The following LAT variants were observed in gnomAD, a reference collection of about 807,000 sequenced individuals.
LAT encodes the protein linker for activation of T-cells family member 1.
In LAT, 12 loss-of-function variants were observed where a neutral mutation model predicts 39.1. The observed-to-expected ratio is 0.31, with a 90% confidence interval of 0.20 to 0.50. The LOEUF (loss-of-function observed/expected upper bound fraction) is 0.50, where lower values mean the gene tolerates loss of function less well. LAT is among the 20% of genes least tolerant of loss of function. The pLI, the probability that LAT is intolerant of heterozygous loss-of-function variation, is 0.98. For synonymous variants in LAT, 117 were observed against 123.8 expected (o/e 0.95, Z 0.36); for missense variants, 253 against 308.0 (o/e 0.82, Z 1.34).
Position 28,990,019 on chromosome 16 carries a change from G to A in LAT, c.*7G>A, listed in dbSNP as rs781772315. The A allele has an allele frequency of 6.2e-7, 1 of 1,610,878 alleles. No individual in the cohort carries two copies. On this transcript the variant is annotated splice_region_variant and 3_prime_UTR_variant, in exon 11 of 12. Transcript: ENST00000395456. ...TCTGCAGGAGCTGAACTGAGGGCCTGGTGAGAGGCCTGCCCTGTCCCCACC... is the reference window on the plus strand; with the variant it reads ...TCTGCAGGAGCTGAACTGAGGGCCTAGTGAGAGGCCTGCCCTGTCCCCACC...
At position 28,985,944 on chromosome 16, in the gene LAT, G is replaced by C; in HGVS notation, c.163+56G>C. 6.3e-7 allele frequency: 1 copy of C among 1,585,468 alleles called. No individual in the cohort carries two copies. The highest frequency in any genetic ancestry group is 8.7e-7 in the Non-Finnish European group (1 of 1,153,946). The stretch of plus-strand genomic sequence containing the variant: ...TGCCAGGGAGAGGGTCCCCTGGTGT[G>C]GGAGTGAGCGTGAACCTTCAGACTT... On this transcript the variant is annotated intron_variant, in intron 3 of 11. Coordinates refer to ENST00000395456, the MANE Select transcript of LAT (RefSeq NM_001014987.2). The surrounding 1 kb of genome is among the most constrained non-coding windows in gnomAD (Gnocchi z 4.6).
intron 8 of LAT, 109 bp downstream of exon 8, chr16:28,987,002 T>C: frequency 1.1e-6 from 1 of 897,858 alleles, no homozygotes; most frequent in Non-Finnish European, 1.7e-6. Context: ...CCAGTGATCC[T>C]CCCAAGTAGG....
In LAT at chr16:28,985,687, T is replaced by C. The variant is rs775119978; in HGVS notation, c.101-26T>C. The stretch of plus-strand genomic sequence containing the variant: ...TTCTGCCCTAAGCACCCCCTGTTCC[T>C]GCCTCACCAGCCCTCTCTTTCCCAG... On this transcript the variant is annotated intron_variant, in intron 1 of 11. Transcript: ENST00000395456. The surrounding 1 kb of genome is among the most constrained non-coding windows in gnomAD (Gnocchi z 4.6). 1.2e-6 allele frequency: 2 copies of C among 1,613,656 alleles called. No individual in the cohort carries two copies. The highest frequency in any genetic ancestry group is 1.7e-4 in the Middle Eastern group (1 of 5,782).
At position 28,985,436 on chromosome 16, in the gene LAT, G is replaced by T. The variant is rs181949767; in HGVS notation, c.19G>T (p.Val7Phe). Residue 7 changes from valine to phenylalanine, a missense_variant, in exon 1 of 12, where the codon GTC (valine) becomes TTC (phenylalanine). Val to Phe is a conservative substitution (Grantham distance 50, BLOSUM62 -1). Transcript: ENST00000395456. The surrounding 1 kb of genome is among the most constrained non-coding windows in gnomAD (Gnocchi z 4.6). Reference protein sequence around the residue: MEEAILVPCVLGLLLLP... With the variant: MEEAILFPCVLGLLLLP... ...CCTGCAGATGGAGGAGGCCATCCTG[G>T]TCCCCTGCGTGCTGGGGCTCCTGCT... The T allele has an allele frequency of 2.1e-4, 334 of 1,613,732 alleles. 4 individuals are homozygous for T. The East Asian group carries it at 6.1e-3, about 29-fold the overall frequency.
chr16:28,986,768 T>G lies in LAT; in HGVS notation c.399-31T>G. ...GAGGGCTGAGGCTGTGCGTCCCCCC[T>G]TGCTCACCGGCCCTTTTCACTTCCT... On this transcript the variant is annotated intron_variant, in intron 7 of 11. Coordinates refer to ENST00000395456, the MANE Select transcript of LAT (RefSeq NM_001014987.2). The surrounding 1 kb of genome is among the most constrained non-coding windows in gnomAD (Gnocchi z 5.7). 6.2e-7 allele frequency: 1 copy of G among 1,611,190 alleles called. No homozygotes were observed. Among genetic ancestry groups the G allele is most frequent in the Non-Finnish European group, 8.5e-7 (1 of 1,178,254 alleles).
rs757059927 is a variant in LAT at position 28,986,259 on chromosome 16, T to TC, written c.245+48dup. ...CCCTGCCCCTCCAAAGCTCAGCCCC[T>TC]CCCCCTCCAAACTCCACTCTCTACC... On this transcript the variant is annotated intron_variant, in intron 4 of 11. Transcript: ENST00000395456. The surrounding 1 kb of genome is among the most constrained non-coding windows in gnomAD (Gnocchi z 5.7). The TC allele has an allele frequency of 2.6e-6, 4 of 1,511,484 alleles. No individual in the cohort carries two copies. In the African/African-American group the frequency reaches 4.4e-5, roughly 17 times the overall value. 93.6% of individuals were successfully genotyped at this position (1,511,484 alleles called of 1,614,324 possible).
Position 28,985,441 on chromosome 16 carries a change from C to T in LAT, c.24C>T (p.Pro8=), listed in dbSNP as rs746374454. ...AGATGGAGGAGGCCATCCTGGTCCC[C>T]TGCGTGCTGGGGCTCCTGCTGCTGC... The part of the protein sequence containing the change: MEEAILV[P]CVLGLLLLPI... Residue 8 remains proline (P), a synonymous_variant, in exon 1 of 12, where the codon CCC becomes CCT. Coordinates refer to ENST00000395456, the MANE Select transcript of LAT (RefSeq NM_001014987.2). The surrounding 1 kb of genome is among the most constrained non-coding windows in gnomAD (Gnocchi z 4.6). The T allele has an allele frequency of 1.9e-6, 3 of 1,613,854 alleles. No homozygotes were observed. The Admixed American group carries it at 5.0e-5, about 27-fold the overall frequency.
rs756667596 is a variant in LAT, at chr16:28,986,559, C to T, written c.330C>T (p.Tyr110=). ...DSDGANSVAS[Y]ENEEPACEDA... is the part of the protein sequence containing the mutation. Reference sequence around the variant, plus strand: ...TTGAAGCCAACAGTGTGGCGAGCTACGAGAACGAGGGTGCGTCTGGGATCC... The same window carrying T: ...TTGAAGCCAACAGTGTGGCGAGCTATGAGAACGAGGGTGCGTCTGGGATCC... The change falls in exon 6 of 12, where the codon TAC becomes TAT. Residue 110 remains tyrosine (Y), a synonymous_variant. Coordinates refer to ENST00000395456, the MANE Select transcript of LAT (RefSeq NM_001014987.2). This position sits in a 1 kb window ranked among gnomAD's most constrained non-coding sequence, Gnocchi z 5.7. 16 of 1,612,424 alleles carry T rather than the reference C, an allele frequency of 9.9e-6. No individual in the cohort carries two copies. Among genetic ancestry groups the T allele is most frequent in the African/African-American group, 5.3e-5 (4 of 74,902 alleles).
rs1463877506 is a variant in LAT at position 28,990,447 on chromosome 16, CTG to C, written c.*270_*271del. The C allele has an allele frequency of 2.9e-6, 1 of 350,208 alleles. No homozygotes were observed. Among genetic ancestry groups the C allele is most frequent in the Non-Finnish European group, 5.6e-6 (1 of 177,362 alleles). 21.7% of individuals were successfully genotyped at this position (350,208 alleles called of 1,614,324 possible). A position where few individuals can be genotyped will look rare whatever the true frequency, so the allele number is the denominator to read the frequency against. On this transcript the variant is annotated 3_prime_UTR_variant, in exon 12 of 12. Coordinates refer to ENST00000395456, the MANE Select transcript of LAT (RefSeq NM_001014987.2). ...TAATAGAATAAAGGCCTGCGTGTGT[CTG>C]TGTTGAGCGTGCGTCTGTGTGTGCC...
chr16:28,985,399 G>T lies in LAT; in HGVS notation c.-19G>T, dbSNP rs535320374. On this transcript the variant is annotated 5_prime_UTR_variant, in exon 1 of 12. Transcript: ENST00000395456. This position sits in a 1 kb window ranked among gnomAD's most constrained non-coding sequence, Gnocchi z 4.6. The stretch of plus-strand genomic sequence containing the variant: ...AGGGGCCTAGGGGTGCAGCCAGCCT[G>T]CTCCGAGCTCCCCTGCAGATGGAGG... 5.3e-5 allele frequency: 86 copies of T among 1,612,860 alleles called. 1 individual carries two copies. Among genetic ancestry groups the T allele is most frequent in the South Asian group, 1.5e-4 (14 of 91,052 alleles).
In LAT at chr16:28,985,433, C is replaced by G. The variant is rs895883721; in HGVS notation, c.16C>G (p.Leu6Val). The change falls in exon 1 of 12, where the codon CTG (leucine) becomes GTG (valine). Residue 6 changes from leucine to valine, a missense_variant. Coordinates refer to ENST00000395456, the MANE Select transcript of LAT (RefSeq NM_001014987.2). This position sits in a 1 kb window ranked among gnomAD's most constrained non-coding sequence, Gnocchi z 4.6. MEEAI[L>V]VPCVLGLLLL... ...TCCCCTGCAGATGGAGGAGGCCATCCTGGTCCCCTGCGTGCTGGGGCTCCT... is the reference window on the plus strand; with the variant it reads ...TCCCCTGCAGATGGAGGAGGCCATCGTGGTCCCCTGCGTGCTGGGGCTCCT... 4 of 1,613,662 alleles carry G rather than the reference C, an allele frequency of 2.5e-6. No homozygotes were observed. In the African/African-American group the frequency reaches 5.3e-5, roughly 22 times the overall value.
In LAT at chr16:28,989,573, C is replaced by T. The variant is rs371979988; in HGVS notation, c.540C>T (p.Ser180=). 75 of 1,611,148 alleles carry T rather than the reference C, an allele frequency of 4.7e-5. No individual in the cohort carries two copies. Among genetic ancestry groups the T allele is most frequent in the South Asian group, 3.1e-4 (28 of 90,608 alleles). ...TGAACGTTCCGGAGAGCGGGGAGAG[C>T]GCAGAAGCGTCTCTGGGTGAGTGAC... ...DYVNVPESGE[S]AEASLDGSRE... The change falls in exon 9 of 12, where the codon AGC becomes AGT. Residue 180 remains serine, a synonymous_variant. Coordinates refer to ENST00000395456, the MANE Select transcript of LAT (RefSeq NM_001014987.2).
Position 28,985,899 on chromosome 16 carries a change from G to A in LAT, c.163+11G>A, listed in dbSNP as rs1047506168. 3.3e-5 allele frequency: 54 copies of A among 1,613,840 alleles called. No homozygotes were observed. The highest frequency in any genetic ancestry group is 4.3e-5 in the Non-Finnish European group (51 of 1,179,882). ...AGTTCAAACGGCCTCGTGAGTACAA[G>A]GAGGGTCCCCTACCTTGGGTGCCAG... On this transcript the variant is annotated intron_variant, in intron 3 of 11. Coordinates refer to ENST00000395456, the MANE Select transcript of LAT (RefSeq NM_001014987.2). This position sits in a 1 kb window ranked among gnomAD's most constrained non-coding sequence, Gnocchi z 4.6.
Position 28,986,005 on chromosome 16 carries a change from C to T in LAT, c.163+117C>T. ...CTTGGGGCTGCCCACATGGCCTTGA[C>T]CTGAGCTGGGAGAGGGGAGATGGCT... On this transcript the variant is annotated intron_variant, in intron 3 of 11. Transcript: ENST00000395456. This position sits in a 1 kb window ranked among gnomAD's most constrained non-coding sequence, Gnocchi z 5.7. 7.0e-7 allele frequency: 1 copy of T among 1,432,808 alleles called. No homozygotes were observed. Among genetic ancestry groups the T allele is most frequent in the Non-Finnish European group, 9.8e-7 (1 of 1,016,698 alleles). The allele number at this position is 1,432,808 out of a possible 1,614,324, so 88.8% of individuals were successfully genotyped here.
At position 28,985,089 on chromosome 16, in the gene LAT, G is replaced by T; in HGVS notation, c.-329G>T. The T allele has an allele frequency of 7.0e-7, 1 of 1,428,010 alleles. No homozygotes were observed. Among genetic ancestry groups the T allele is most frequent in the South Asian group, 1.5e-5 (1 of 66,748 alleles). 88.5% of individuals were successfully genotyped at this position (1,428,010 alleles called of 1,614,324 possible). A position where few individuals can be genotyped will look rare whatever the true frequency, so the allele number is the denominator to read the frequency against. On this transcript the variant is annotated 5_prime_UTR_variant, in exon 1 of 12. Coordinates refer to ENST00000395456, the MANE Select transcript of LAT (RefSeq NM_001014987.2). The surrounding 1 kb of genome is among the most constrained non-coding windows in gnomAD (Gnocchi z 4.6). ...CGCAGGCGGGCGGGAGGGCGGGCAC[G>T]GAGAGGCGGGCGCCGAGGAGGGGCA...
At position 28,990,228 on chromosome 16, in the gene LAT, CG is replaced by C. The variant is rs1567532932; in HGVS notation, c.*49del. 1 of 697,894 alleles carries C rather than the reference CG, an allele frequency of 1.4e-6. No homozygotes were observed. Among genetic ancestry groups the C allele is most frequent in the South Asian group, 1.5e-5 (1 of 66,710 alleles). The allele number at this position is 697,894 out of a possible 1,614,324, so 43.2% of individuals were successfully genotyped here. A position where few individuals can be genotyped will look rare whatever the true frequency, so the allele number is the denominator to read the frequency against. On this transcript the variant is annotated 3_prime_UTR_variant, in exon 12 of 12. Transcript: ENST00000395456. ...GTCCTGGAACCAGGCTTGCCTGGGA[CG>C]GCTGAGCTGGGCAGCTGGAAGTGGC... is the stretch of plus-strand genomic sequence containing the variant.
At chr16:28,984,849 C>G, upstream of LAT, 3 of 1,550,290 alleles carry the variant, frequency 1.9e-6, 1 homozygote, top group South Asian at 3.6e-5. Context: ...CGCTGCCTCC[C>G]CGGGTCCTGG....
chr16:28,989,418 TG>T, intron 8 of LAT, 108 bp from the exon 9 acceptor site: 3 of 925,828 alleles, frequency 3.2e-6, no homozygotes, highest in Non-Finnish European at 5.0e-6. Flanking sequence ...GGGAAGCCTC[TG>T]GGGTCTACCG....
chr16:28,985,520 G>A lies in LAT; in HGVS notation c.100+3G>A, dbSNP rs759136751. 3 of 1,613,022 alleles carry A rather than the reference G, an allele frequency of 1.9e-6. No homozygotes were observed. Among genetic ancestry groups the A allele is most frequent in the African/African-American group, 1.3e-5 (1 of 74,888 alleles). ...TGTGCACTGCCACAGACTGCCAGGT[G>A]AGTGGGAAACTGGTGGGGGTACCCA... On this transcript the variant is annotated splice_donor_region_variant and intron_variant, in intron 1 of 11. Transcript: ENST00000395456. This position sits in a 1 kb window ranked among gnomAD's most constrained non-coding sequence, Gnocchi z 4.6.
Sources: gnomAD v4.1 joint callset for allele counts on GRCh38, gnomAD v4.1.1 for gene constraint, Gnocchi (gnomAD v3.1) non-coding constraint, MANE v1.5 for transcripts, NCBI Gene and HGNC (gene_info 2026-07-23, HGNC 2026-07-21) for gene names.